The following NPAS3 variants were observed in gnomAD, a reference collection of about 807,000 sequenced individuals.
NPAS3 encodes neuronal PAS domain-containing protein 3.
A neutral mutation model predicts 73.1 loss-of-function variants in NPAS3; 14 were observed. The observed-to-expected ratio is 0.19, with a 90% CI of 0.13 to 0.30. The LOEUF (loss-of-function observed/expected upper bound fraction) is 0.30. Ranked by LOEUF, NPAS3 falls within the 10% of genes least tolerant of loss-of-function variation. The pLI, the probability that NPAS3 is intolerant of heterozygous loss-of-function variation, is 1.00. For synonymous variants in NPAS3, 620 were observed against 541.5 expected (o/e 1.14, Z -2.01); for missense variants, 1,096 against 1,250.0 (o/e 0.88, Z 1.86).
intron 3 of NPAS3, among the ~76,000 whole-genome samples, chr14:33,265,501 ATT>A (rs34895773): frequency 1.3e-5 from 2 of 151,954 alleles, no homozygotes; most frequent in African/African-American, 2.4e-5. Context: ...AATGCATTAC[ATT>A]TTTTTTTCAT....
intron 1 of NPAS3, among the ~76,000 whole-genome samples, chr14:32,955,913 T>G (rs2139179217): frequency 6.6e-6 from 1 of 152,264 alleles, no homozygotes; most frequent in African/African-American, 2.4e-5. Flanking sequence ...GTATTTTGGG[T>G]TTCAAAATTG....
intron 2 of NPAS3, among the ~76,000 whole-genome samples, chr14:33,170,823 T>C (rs755921698): frequency 6.6e-6 from 1 of 152,220 alleles, no homozygotes. Flanking sequence ...ATGACTACCT[T>C]CACTGGAGTT....
intron 1 of NPAS3, among the ~76,000 whole-genome samples, chr14:32,944,220 C>T (rs558339549): frequency 1.3e-5 from 2 of 152,292 alleles, no homozygotes; most frequent in South Asian, 4.1e-4. Context: ...CACCTCCATG[C>T]TATGTTTACA....
chr14:33,769,251 C>T (rs571836697), intron 7 of NPAS3, among the ~76,000 whole-genome samples: 3 of 152,296 alleles, frequency 2.0e-5, no homozygotes, highest in African/African-American at 7.2e-5. Flanking sequence ...CAGAACTATA[C>T]CTTCAACTAT....
At chr14:33,367,604 G>A (rs1370284794) in intron 4 of NPAS3, among the ~76,000 whole-genome samples, 1 of 151,874 alleles carries the variant, frequency 6.6e-6, no homozygotes, top group Non-Finnish European at 1.5e-5. Flanking sequence ...TGTGTCTTTG[G>A]AGCTATATAT....
At chr14:33,103,703 T>C (rs553868417) in intron 2 of NPAS3, among the ~76,000 whole-genome samples, 15 of 152,264 alleles carry the variant, frequency 9.9e-5, no homozygotes, top group Non-Finnish European at 1.8e-4. Context: ...TGGGTAATAA[T>C]GAAGGGTGTT....
At chr14:33,150,947 T>C (rs986803702) in intron 2 of NPAS3, among the ~76,000 whole-genome samples, 2 of 152,240 alleles carry the variant, frequency 1.3e-5, no homozygotes, top group Admixed American at 6.5e-5. Context: ...CTATATCCTA[T>C]TGATTGCGGT....
At chr14:33,034,736 T>G (rs2040105636) in intron 1 of NPAS3, among the ~76,000 whole-genome samples, 2 of 152,066 alleles carry the variant, frequency 1.3e-5, no homozygotes, top group Admixed American at 1.3e-4. Flanking sequence ...CCTGGAACAG[T>G]TACAGATTAT....
chr14:33,356,832 T>C lies in NPAS3; in HGVS notation c.386-10354T>C, dbSNP rs1023746410. ...AAAGAAACATATTAAGAACCTCTAA[T>C]AGAGAAAGGCTTGAACTCAGCCTTG... On this transcript the variant is annotated intron_variant, in intron 3 of 11. Coordinates refer to ENST00000356141, the Ensembl canonical transcript of NPAS3. Among the ~76,000 whole-genome samples the C allele has an allele frequency of 4.6e-5, 7 of 152,344 alleles. No homozygotes were observed. In the East Asian group the frequency reaches 1.4e-3, roughly 29 times the overall value.
At chr14:33,293,348 C>T (rs10147935) in intron 3 of NPAS3, among the ~76,000 whole-genome samples, 165 of 152,284 alleles carry the variant, frequency 1.1e-3, no homozygotes, top group African/African-American at 3.5e-3. Flanking sequence ...AAGATCCATA[C>T]CTTCTCTGCC....
rs1037636768 is a variant in NPAS3, at chr14:33,000,502, T to C, written c.51-55403T>C. ...TAGACACAGATTTTGTGAGTTGTTA[T>C]GTATCTGGTGCAAGTATATGAGTAG... is the stretch of plus-strand genomic sequence containing the variant. On this transcript the variant is annotated intron_variant, in intron 1 of 11. Transcript: ENST00000356141. Among the ~76,000 whole-genome samples, 8 of 152,348 alleles carry C rather than the reference T, an allele frequency of 5.3e-5. 1 individual carries two copies. In the South Asian group the frequency reaches 1.5e-3, roughly 28 times the overall value.
chr14:33,154,550 C>A (rs573646246), intron 2 of NPAS3, among the ~76,000 whole-genome samples: 66 of 152,300 alleles, frequency 4.3e-4, no homozygotes, highest in Non-Finnish European at 4.6e-4. Flanking sequence ...TGTAAAGCCA[C>A]TTTCATTCAC....
At chr14:32,954,300 T>A (rs1009118075) in intron 1 of NPAS3, among the ~76,000 whole-genome samples, 6 of 152,188 alleles carry the variant, frequency 3.9e-5, no homozygotes, top group Admixed American at 3.3e-4. Flanking sequence ...GTTTGTCCTC[T>A]TTTGTAAGCA....
chr14:33,033,892 C>G (rs2138364071), intron 1 of NPAS3, among the ~76,000 whole-genome samples: 1 of 152,226 alleles, frequency 6.6e-6, no homozygotes, highest in South Asian at 2.1e-4. Context: ...TGGCCTTTAG[C>G]CTTTGAAGCT....
chr14:33,037,838 T>C (rs1051342949), intron 1 of NPAS3, among the ~76,000 whole-genome samples: 4 of 152,230 alleles, frequency 2.6e-5, no homozygotes, highest in East Asian at 1.9e-4. Context: ...ATCTCAGTTG[T>C]TTTACTCTAT....
intron 5 of NPAS3, among the ~76,000 whole-genome samples, chr14:33,581,748 A>G (rs1048980084): frequency 4.6e-5 from 7 of 151,934 alleles, no homozygotes; most frequent in African/African-American, 1.5e-4. Flanking sequence ...ATTTTTTTGT[A>G]CTTTTAGTAG....
intron 2 of NPAS3, among the ~76,000 whole-genome samples, chr14:33,180,441 T>C (rs560729833): frequency 6.6e-5 from 10 of 152,240 alleles, no homozygotes; most frequent in Middle Eastern, 6.8e-3. Flanking sequence ...TTAATCCTTG[T>C]AGTTAATAAG....
intron 4 of NPAS3, among the ~76,000 whole-genome samples, chr14:33,403,866 C>G (rs1403836846): frequency 6.6e-6 from 1 of 151,940 alleles, no homozygotes. Context: ...TTTACAAAAG[C>G]AGTTTGATTT....
chr14:33,378,079 T>G (rs1021722625), intron 4 of NPAS3, among the ~76,000 whole-genome samples: 3 of 152,220 alleles, frequency 2.0e-5, no homozygotes, highest in Non-Finnish European at 4.4e-5. Context: ...TATATGGACT[T>G]GGCAATTTAT....
Sources: allele counts gnomAD v4.1 joint callset (sites outside exome capture counted in the v4.1 genomes callset), GRCh38; gene constraint gnomAD v4.1.1; transcripts MANE v1.5; gene names NCBI Gene and HGNC (gene_info 2026-07-23, HGNC 2026-07-21).